The following KIF5C variants were observed in gnomAD, a reference collection of about 807,000 sequenced individuals.
The protein encoded by KIF5C is kinesin heavy chain isoform 5C.
In KIF5C, 18 loss-of-function variants were observed where a neutral mutation model predicts 125.2. The ratio of observed to expected loss-of-function variants is 0.14; its 90% confidence interval spans 0.10 to 0.21. The LOEUF is 0.21. KIF5C is among the 10% of genes least tolerant of loss of function. The pLI is 1.00. For missense variants in KIF5C, 780 were observed against 1,183.8 expected, an observed-to-expected ratio of 0.66 and a Z score of 5.01; for synonymous variants, 405 against 434.0, an observed-to-expected ratio of 0.93 and a Z score of 0.83.
At chr2:148,889,713 A>T in intron 1 of KIF5C, among the ~76,000 whole-genome samples, 1 of 152,160 alleles carries the variant, frequency 6.6e-6, no homozygotes, top group East Asian at 1.9e-4. Context: ...GTGTGGTGAC[A>T]CCACTTACAA....
In KIF5C at chr2:148,981,323, T is replaced by C. The variant is rs1221921351; in HGVS notation, c.1363-32T>C. 3 of 1,571,292 alleles carry C rather than the reference T, an allele frequency of 1.9e-6. No homozygotes were observed. The South Asian group carries it at 3.6e-5, about 19-fold the overall frequency. ...AGAACATAAACATTTGAACATTAGATTCACAAGTTCCATGCCATCTCATTT... is the reference window on the plus strand; with the variant it reads ...AGAACATAAACATTTGAACATTAGACTCACAAGTTCCATGCCATCTCATTT... On this transcript the variant is annotated intron_variant, in intron 13 of 25. Transcript: ENST00000435030.
intron 5 of KIF5C, 42 bp downstream of exon 5, chr2:148,941,700 A>C (rs755750694): frequency 1.3e-6 from 2 of 1,545,854 alleles, no homozygotes; most frequent in African/African-American, 2.8e-5. Flanking sequence ...TTCTGTAACG[A>C]AAGTCCGGGG....
chr2:148,899,007 A>G (rs1389998346), intron 1 of KIF5C, among the ~76,000 whole-genome samples: 2 of 152,244 alleles, frequency 1.3e-5, no homozygotes, highest in African/African-American at 4.8e-5. Context: ...TCACATTAAT[A>G]ACCAAACATC....
chr2:148,947,525 C>T (rs13402614), intron 8 of KIF5C: 4,080 of 203,012 alleles, frequency 0.02, 61 homozygotes, highest in Middle Eastern at 0.045. Flanking sequence ...CTGACGGTGT[C>T]CCATGTGGAA....
chr2:149,020,650 T>C (rs1457857480), intron 25 of KIF5C, among the ~76,000 whole-genome samples: 4 of 152,172 alleles, frequency 2.6e-5, no homozygotes, highest in African/African-American at 7.2e-5. Context: ...CTGGCACCTC[T>C]CTGCCTCCAG....
At chr2:148,977,870 C>T (rs1318006601) in intron 12 of KIF5C, among the ~76,000 whole-genome samples, 1 of 152,142 alleles carries the variant, frequency 6.6e-6, no homozygotes, top group African/African-American at 2.4e-5. Flanking sequence ...GGTTCTGTGA[C>T]CCAGGCCCTT....
chr2:148,973,201 A>C, intron 11 of KIF5C, 135 bp from the exon 12 acceptor site: 4 of 1,278,626 alleles, frequency 3.1e-6, no homozygotes, highest in Non-Finnish European at 4.1e-6. Context: ...AGGAACACAA[A>C]CTCTACCCAC....
In KIF5C at chr2:148,962,341, A is replaced by ATT. The variant is rs374547075; in HGVS notation, c.1117+238_1117+239dup. Among the ~76,000 whole-genome samples the ATT allele has an allele frequency of 8.1e-3, 1,096 of 135,728 alleles. 13 individuals are homozygous for ATT. The highest frequency in any genetic ancestry group is 0.027 in the African/African-American group (989 of 36,798). 89.0% of individuals were successfully genotyped at this position (135,728 alleles called of 152,430 possible). ...CCACCACACCTGGCTAATTTTTGTA[A>ATT]TTTTTTTTTTTTTTTTTAGTAGAGA... On this transcript the variant is annotated intron_variant, in intron 11 of 25. Coordinates refer to ENST00000435030, the MANE Select transcript of KIF5C (RefSeq NM_004522.3).
chr2:148,917,371 T>C (rs1681598244), intron 1 of KIF5C, among the ~76,000 whole-genome samples: 2 of 152,232 alleles, frequency 1.3e-5, no homozygotes, highest in South Asian at 4.1e-4. Context: ...ATAAGCTTTT[T>C]AGGAAACCAG....
chr2:148,882,272 C>T (rs1355290369), intron 1 of KIF5C, among the ~76,000 whole-genome samples: 2 of 152,208 alleles, frequency 1.3e-5, no homozygotes, highest in African/African-American at 2.4e-5. Flanking sequence ...CCAGTTTTCT[C>T]ACCCGTAAAA....
In KIF5C at chr2:148,875,563, TTCCCG is replaced by T; in HGVS notation, c.-54_-50del. 1 of 1,146,566 alleles carries T rather than the reference TTCCCG, an allele frequency of 8.7e-7. No homozygotes were observed. The highest frequency in any genetic ancestry group is 1.3e-6 in the Non-Finnish European group (1 of 784,174). The allele number at this position is 1,146,566 out of a possible 1,614,324, so 71.0% of individuals were successfully genotyped here. On this transcript the variant is annotated 5_prime_UTR_variant, in exon 1 of 26. Coordinates refer to ENST00000435030, the MANE Select transcript of KIF5C (RefSeq NM_004522.3). ...CAGCTCGCGGCCTCCTCCCTCGTCG[TTCCCG>T]GCCCCGGCCCCCCACCCATCCCCGT... is the stretch of plus-strand genomic sequence containing the variant.
chr2:148,987,554 A>T (rs945919641), intron 15 of KIF5C, among the ~76,000 whole-genome samples: 2 of 152,174 alleles, frequency 1.3e-5, no homozygotes, highest in African/African-American at 4.8e-5. Context: ...AGAAAGCCTA[A>T]TGCTGATTGG....
intron 10 of KIF5C, among the ~76,000 whole-genome samples, chr2:148,959,628 A>C (rs1366415033): frequency 6.6e-6 from 1 of 152,064 alleles, no homozygotes; most frequent in East Asian, 1.9e-4. Flanking sequence ...TTGAGTTCCA[A>C]ATGGAAGTTG....
rs544930106 is a variant in KIF5C at position 148,929,102 on chromosome 2, T to C, written c.218-179T>C. On this transcript the variant is annotated intron_variant, in intron 2 of 25. Transcript: ENST00000435030. ...ATGTATTCTGTGAAATGTGAGTCCA[T>C]TTCTTTCCATTTGTAGAACAACAGA... Among the ~76,000 whole-genome samples the C allele has an allele frequency of 2.0e-4, 30 of 152,330 alleles. 1 individual carries two copies. In the South Asian group the frequency reaches 6.2e-3, roughly 32 times the overall value.
At chr2:148,908,277 T>A (rs948886608) in intron 1 of KIF5C, among the ~76,000 whole-genome samples, 2 of 152,184 alleles carry the variant, frequency 1.3e-5, no homozygotes, top group African/African-American at 4.8e-5. Context: ...GTCTGCACAT[T>A]CTTTATCTCT....
chr2:148,943,613 T>C (rs1366146452), intron 7 of KIF5C, among the ~76,000 whole-genome samples: 1 of 152,212 alleles, frequency 6.6e-6, no homozygotes, highest in Non-Finnish European at 1.5e-5. Context: ...ATACCCATGA[T>C]TGTTGGAGCT....
At chr2:148,879,949 C>CTTGG (rs1681300724) in intron 1 of KIF5C, 1 of 152,106 alleles carries the variant, frequency 6.6e-6, no homozygotes, top group Admixed American at 6.6e-5. Context: ...TATTTCTTGG[C>CTTGG]AGTAGATGGA....
intron 12 of KIF5C, among the ~76,000 whole-genome samples, chr2:148,974,764 T>C (rs991676459): frequency 7.9e-5 from 12 of 152,228 alleles, no homozygotes; most frequent in African/African-American, 1.7e-4. Flanking sequence ...GCATTTTTTT[T>C]CCTCATTTTA....
intron 8 of KIF5C, chr2:148,947,228 G>T: frequency 1.4e-6 from 1 of 714,718 alleles, no homozygotes; most frequent in African/African-American, 1.8e-5. Context: ...TCACAGGCAG[G>T]TGCTTTGCAT....
Sources: allele counts gnomAD v4.1 joint callset (sites outside exome capture counted in the v4.1 genomes callset), GRCh38; gene constraint gnomAD v4.1.1; transcripts MANE v1.5; gene names NCBI Gene and HGNC (gene_info 2026-07-23, HGNC 2026-07-21).